Variants in MAGI2 observed in about 807,000 individuals in gnomAD.
MAGI2 encodes membrane associated guanylate kinase, WW and PDZ domain containing 2, also known as membrane-associated guanylate kinase, WW and PDZ domain-containing protein 2.
Under a neutral mutation model 133.3 loss-of-function variants are expected in MAGI2, and 35 were observed. The ratio of observed to expected loss-of-function variants is 0.26; its 90% CI spans 0.20 to 0.35. MAGI2 has a LOEUF of 0.35. Ranked by LOEUF, MAGI2 falls within the 10% of genes least tolerant of loss-of-function variation. MAGI2 has a pLI of 1.00. For synonymous variants in MAGI2, 729 were observed against 710.6 expected, an observed-to-expected ratio of 1.03 and a Z score of -0.41; for missense variants, 1,636 against 1,863.4, an observed-to-expected ratio of 0.88 and a Z score of 2.25.
intron 21 of MAGI2, among the ~76,000 whole-genome samples, chr7:78,076,270 C>A (rs148007805): frequency 4.2e-4 from 64 of 151,536 alleles, no homozygotes; most frequent in African/African-American, 1.4e-3. Flanking sequence ...CCATCCTGGG[C>A]GACATGGTGA....
chr7:78,274,348 A>G (rs1319524003), intron 9 of MAGI2, among the ~76,000 whole-genome samples: 1 of 152,120 alleles, frequency 6.6e-6, no homozygotes, highest in Non-Finnish European at 1.5e-5. Context: ...TGCCAGCCAT[A>G]GCTCTCCTGT....
At chr7:78,199,005 G>C (rs1269018670) in intron 11 of MAGI2, among the ~76,000 whole-genome samples, 1 of 152,162 alleles carries the variant, frequency 6.6e-6, no homozygotes, top group African/African-American at 2.4e-5. Flanking sequence ...GGTAACACAG[G>C]ACTAGGAGGA....
chr7:79,408,942 A>AC (rs1220558079), intron 1 of MAGI2, among the ~76,000 whole-genome samples: 2 of 152,160 alleles, frequency 1.3e-5, no homozygotes, highest in African/African-American at 4.8e-5. Flanking sequence ...AAGTACAGTA[A>AC]CCAAGGTTTA....
At chr7:78,852,918 T>A (rs527395288) in intron 2 of MAGI2, among the ~76,000 whole-genome samples, 2 of 152,258 alleles carry the variant, frequency 1.3e-5, no homozygotes, top group Admixed American at 1.3e-4. Context: ...AAAGCAAGAA[T>A]GATGGATTTT....
chr7:78,799,016 C>T (rs1231871057), intron 2 of MAGI2, among the ~76,000 whole-genome samples: 1 of 152,140 alleles, frequency 6.6e-6, no homozygotes, highest in African/African-American at 2.4e-5. Flanking sequence ...TGATGACTGC[C>T]ATATTGCTCA....
At chr7:79,258,699 G>A (rs1000462573) in intron 1 of MAGI2, among the ~76,000 whole-genome samples, 1 of 152,226 alleles carries the variant, frequency 6.6e-6, no homozygotes, top group African/African-American at 2.4e-5. Context: ...GTACTATCGT[G>A]GCATACTATG....
At chr7:78,508,108 G>A (rs537847737) in intron 4 of MAGI2, among the ~76,000 whole-genome samples, 1 of 152,214 alleles carries the variant, frequency 6.6e-6, no homozygotes, top group East Asian at 1.9e-4. Flanking sequence ...TGCACATCTG[G>A]GTTCCAATTT....
chr7:79,214,407 C>CTCTATATA (rs1554406633), intron 1 of MAGI2, among the ~76,000 whole-genome samples: 16 of 17,714 alleles, frequency 9.0e-4, no homozygotes, highest in African/African-American at 1.9e-3. Context: ...CTCTCTCTCT[C>CTCTATATA]TATATATATA....
chr7:78,858,937 T>C (rs562233419), intron 2 of MAGI2, among the ~76,000 whole-genome samples: 1 of 152,318 alleles, frequency 6.6e-6, no homozygotes, highest in Admixed American at 6.5e-5. Flanking sequence ...TGGGTGCATA[T>C]ATATTTAGGA....
chr7:79,385,846 G>A (rs1844138726), intron 1 of MAGI2, among the ~76,000 whole-genome samples: 1 of 151,866 alleles, frequency 6.6e-6, no homozygotes, highest in Non-Finnish European at 1.5e-5. Context: ...AGCTGCTCTT[G>A]TTACGAAGAA....
chr7:79,238,948 G>A (rs1313903851), intron 1 of MAGI2, among the ~76,000 whole-genome samples: 1 of 152,102 alleles, frequency 6.6e-6, no homozygotes, highest in Non-Finnish European at 1.5e-5. Context: ...CAGAACTTGA[G>A]GATCTGGCAT....
chr7:78,448,614 A>C (rs1468334690), intron 6 of MAGI2, among the ~76,000 whole-genome samples: 1 of 152,122 alleles, frequency 6.6e-6, no homozygotes, highest in Non-Finnish European at 1.5e-5. Flanking sequence ...TTTCAAACAC[A>C]AGGTGCCATT....
chr7:78,471,689 A>G (rs11763843), intron 6 of MAGI2, among the ~76,000 whole-genome samples: 44,945 of 151,822 alleles, frequency 0.3, 7,763 homozygotes, highest in African/African-American at 0.48. Context: ...CATTTGGGAG[A>G]ACGAGGTGGG....
chr7:78,091,416 C>T (rs1817197584), intron 20 of MAGI2, among the ~76,000 whole-genome samples: 1 of 152,116 alleles, frequency 6.6e-6, no homozygotes, highest in African/African-American at 2.4e-5. Flanking sequence ...TCCCAGAAAC[C>T]AGAACTGTGA....
chr7:78,779,119 G>A (rs1301154202), intron 2 of MAGI2, among the ~76,000 whole-genome samples: 1 of 151,924 alleles, frequency 6.6e-6, no homozygotes, highest in Non-Finnish European at 1.5e-5. Context: ...TGTTGGCCAG[G>A]GTGGTCTCAA....
intron 1 of MAGI2, among the ~76,000 whole-genome samples, chr7:79,265,800 G>A (rs1563060779): frequency 1.3e-5 from 2 of 152,080 alleles, no homozygotes; most frequent in Non-Finnish European, 2.9e-5. Flanking sequence ...TATATGCTGA[G>A]AATTTAATTC....
chr7:78,183,232 G>T (rs545615573), intron 13 of MAGI2, among the ~76,000 whole-genome samples: 1 of 151,624 alleles, frequency 6.6e-6, no homozygotes, highest in African/African-American at 2.4e-5. Flanking sequence ...AAAACATGGG[G>T]CATCTACTTA....
chr7:78,209,292 C>T (rs62463872), intron 10 of MAGI2, among the ~76,000 whole-genome samples: 65,435 of 116,186 alleles, frequency 0.56, 19,282 homozygotes, highest in Admixed American at 0.63. Context: ...GACGGAGTCT[C>T]GCTCTGTTGC....
chr7:79,346,007 A>T (rs73156055), intron 1 of MAGI2, among the ~76,000 whole-genome samples: 21,785 of 152,024 alleles, frequency 0.14, 1,663 homozygotes, highest in East Asian at 0.2. Flanking sequence ...CCATTTCTAC[A>T]TTTTTCTCTT....
Sources: gnomAD v4.1 joint callset for allele counts (sites outside exome capture counted in the v4.1 genomes callset) on GRCh38, gnomAD v4.1.1 for gene constraint, MANE v1.5 for transcripts, NCBI Gene and HGNC (gene_info 2026-07-23, HGNC 2026-07-21) for gene names.